LAMA5: variants seen among roughly 807,000 people sequenced by gnomAD.
LAMA5 encodes laminin subunit alpha 5.
Under a neutral mutation model 433.4 loss-of-function variants are expected in LAMA5, and 260 were observed. That is an observed-to-expected ratio of 0.60 (90% CI 0.54 to 0.66). The LOEUF is 0.66. LAMA5 is among the 30% of genes least tolerant of loss of function. The pLI, the probability that LAMA5 is intolerant of heterozygous loss-of-function variation, is 0.00. For missense variants in LAMA5, 5,378 were observed against 5,258.5 expected (o/e 1.02, Z -0.70); for synonymous variants, 2,620 against 2,226.6 (o/e 1.18, Z -4.97).
intron 9 of LAMA5, 103 bp downstream of exon 9, chr20:62,346,403 G>A (rs1175231359): frequency 7.3e-7 from 1 of 1,378,000 alleles, no homozygotes; most frequent in Non-Finnish European, 9.9e-7. Flanking sequence ...GGCTGGCCTG[G>A]AAGCTCAGGA....
At chr20:62,310,371 GCC>G in intron 76 of LAMA5, 46 bp downstream of exon 76, 1 of 1,563,078 alleles carries the variant, frequency 6.4e-7, no homozygotes, top group Non-Finnish European at 8.6e-7. Flanking sequence ...ACCTCCTGGA[GCC>G]CCCTGCCCTG....
At position 62,323,431 on chromosome 20, in the gene LAMA5, GCAT is replaced by G. The variant is rs1256705809; in HGVS notation, c.6064+22_6064+24del. On this transcript the variant is annotated intron_variant, in intron 45 of 79. Transcript: ENST00000252999. ...CTCCCCGCGCAACCCTCCCCAGGGT[GCAT>G]CCCTCCCAGCCCGACGCCTACGGGT... 4.6e-6 allele frequency: 7 copies of G among 1,510,986 alleles called. No individual in the cohort carries two copies. In the African/African-American group the frequency reaches 8.3e-5, roughly 18 times the overall value. 93.6% of individuals were successfully genotyped at this position (1,510,986 alleles called of 1,614,324 possible). A position where few individuals can be genotyped will look rare whatever the true frequency, so the allele number is the denominator to read the frequency against.
rs1488876019 is a variant in LAMA5, at chr20:62,323,477, G to A, written c.6043C>T (p.Leu2015=). 11 of 1,545,852 alleles carry A rather than the reference G, an allele frequency of 7.1e-6. No individual in the cohort carries two copies. The South Asian group carries it at 9.5e-5, about 13-fold the overall frequency. Residue 2015 remains leucine (L), a synonymous_variant, in exon 45 of 80, where the codon CTG becomes TTG. Transcript: ENST00000252999. Reference sequence around the variant, plus strand: ...CTACGGGTGCAGTTGCCGGGCAGCAGGGCGTTGCCGTAGAAGCCGGGGGCA... The same window carrying A: ...CTACGGGTGCAGTTGCCGGGCAGCAAGGCGTTGCCGTAGAAGCCGGGGGCA... ...ICAPGFYGNA[L]LPGNCTRCDC...
intron 57 of LAMA5, chr20:62,316,425 G>A (rs1986937925): frequency 1.9e-6 from 1 of 524,096 alleles, no homozygotes; most frequent in East Asian, 3.0e-5. Flanking sequence ...CCTGTGCCCT[G>A]TGGCTCAGCT....
intron 2 of LAMA5, among the ~76,000 whole-genome samples, chr20:62,353,846 G>C (rs1251082038): frequency 2.6e-5 from 4 of 152,040 alleles, no homozygotes; most frequent in Non-Finnish European, 4.4e-5. Flanking sequence ...CACAGCCAGG[G>C]GCCCACTGAG....
chr20:62,345,309 C>CTTTTTTTTTTTTTTTTTTTT (rs56342658), intron 11 of LAMA5: 1 of 139,008 alleles, frequency 7.2e-6, no homozygotes. Flanking sequence ...AACCAATTTT[C>CTTTTTTTTTTTTTTTTTTTT]TTTTTTTTTT....
At chr20:62,327,489 C>T (rs1979508717) in intron 37 of LAMA5, 40 bp downstream of exon 37, 1 of 1,610,956 alleles carries the variant, frequency 6.2e-7, no homozygotes, top group African/African-American at 1.3e-5. Context: ...CCACCTAAGA[C>T]CTCCCCGAGA....
chr20:62,348,495 T>A (rs1415322144), intron 6 of LAMA5, among the ~76,000 whole-genome samples: 2 of 151,996 alleles, frequency 1.3e-5, no homozygotes, highest in Middle Eastern at 3.2e-3. Context: ...TAGTCCCAGC[T>A]ACTCAGGAGG....
Position 62,310,816 on chromosome 20 carries a change from C to T in LAMA5, c.10295G>A (p.Trp3432Ter), listed in dbSNP as rs750477351. 1 of 1,557,990 alleles carries T rather than the reference C, an allele frequency of 6.4e-7. No individual in the cohort carries two copies. Among genetic ancestry groups the T allele is most frequent in the Non-Finnish European group, 8.7e-7 (1 of 1,151,224 alleles). The stretch of plus-strand genomic sequence containing the variant: ...CACCAGCAGGATCCGGTTCTTCTCC[C>T]AGCGCACGGAGACCTGGGGGCAGGA... ...PGRWHKVSVR[W>*]EKNRILLVTD... Residue 3432 changes from tryptophan (W) to a stop codon, truncating the protein, a stop_gained, in exon 75 of 80, where the codon TGG becomes TAG. Transcript: ENST00000252999. LOFTEE classifies it high-confidence loss of function.
chr20:62,323,100 TG>T (rs1228203166), intron 45 of LAMA5, among the ~76,000 whole-genome samples: 1 of 37,750 alleles, frequency 2.6e-5, no homozygotes, highest in African/African-American at 1.1e-4. Flanking sequence ...GGTCATGGGT[TG>T]GGGGGAGGGT....
chr20:62,349,989 C>T (rs1330570925), intron 6 of LAMA5, among the ~76,000 whole-genome samples: 1 of 151,534 alleles, frequency 6.6e-6, no homozygotes, highest in African/African-American at 2.4e-5. Context: ...GCAGGGAGAA[C>T]ATGGGCAGGC....
At chr20:62,313,278 G>T in intron 64 of LAMA5, 28 bp from the exon 65 acceptor site, 2 of 1,541,094 alleles carry the variant, frequency 1.3e-6, no homozygotes, top group Non-Finnish European at 1.7e-6. Flanking sequence ...TGGGGTCAGC[G>T]GAGGGTGGGG....
At position 62,335,181 on chromosome 20, in the gene LAMA5, C is replaced by T. The variant is rs773086789; in HGVS notation, c.2376+36G>A. 10 of 1,612,118 alleles carry T rather than the reference C, an allele frequency of 6.2e-6. No individual in the cohort carries two copies. The African/African-American group carries it at 1.1e-4, about 17-fold the overall frequency. On this transcript the variant is annotated intron_variant, in intron 19 of 79. Transcript: ENST00000252999. ...GCAGGGGAGGGTCCTGACCAGTGTG[C>T]CCCCAAATCCCCCACACCTTGGTCC...
At chr20:62,337,169 C>CGCGATACGCGCACCCACTTAT (rs71195446) in intron 16 of LAMA5, among the ~76,000 whole-genome samples, 5 of 151,914 alleles carry the variant, frequency 3.3e-5, no homozygotes, top group East Asian at 3.9e-4. Flanking sequence ...ACTTGAGACA[C>CGCGATACGCGCACCCACTTAT]GCGATACGCG....
Position 62,323,870 on chromosome 20 carries a change from C to A in LAMA5, c.5769-14G>T, listed in dbSNP as rs763622747. On this transcript the variant is annotated splice_polypyrimidine_tract_variant and intron_variant, in intron 43 of 79. Transcript: ENST00000252999. ...CCCTCGGCGAAGCTGCAAAGACCAG[C>A]AGCGTCAGTCACTAGGCCCCTGGCA... is the stretch of plus-strand genomic sequence containing the variant. 4 of 1,592,102 alleles carry A rather than the reference C, an allele frequency of 2.5e-6. No individual in the cohort carries two copies. Among genetic ancestry groups the A allele is most frequent in the African/African-American group, 2.7e-5 (2 of 74,346 alleles).
chr20:62,317,819 G>A lies in LAMA5; in HGVS notation c.7240-41C>T, dbSNP rs774931515. On this transcript the variant is annotated intron_variant, in intron 53 of 79. Coordinates refer to ENST00000252999, the MANE Select transcript of LAMA5 (RefSeq NM_005560.6). The stretch of plus-strand genomic sequence containing the variant: ...GGGAGTTGGGGACAATGAGGGGTAA[G>A]AAAAGAATAAAGGATGTGATGGGGT... 8.9e-6 allele frequency: 10 copies of A among 1,124,482 alleles called. No individual in the cohort carries two copies. The African/African-American group carries it at 9.1e-5, about 10-fold the overall frequency. 69.7% of individuals were successfully genotyped at this position (1,124,482 alleles called of 1,614,324 possible).
At position 62,318,524 on chromosome 20, in the gene LAMA5, C is replaced by A. The variant is rs530380498; in HGVS notation, c.7169G>T (p.Arg2390Leu). Residue 2390 changes from arginine to leucine, a missense_variant, in exon 53 of 80, where the codon CGG becomes CTG. By Grantham distance (102) the Arg-to-Leu change is moderately radical (BLOSUM62 -2). Transcript: ENST00000252999. ...GGCCTCCCGTGTGGCGTCCACTGCC[C>A]GGTTCAAAGCCTCTCGCAGGTCCAT... Reference protein sequence around the residue: ...GLMDLREALNRAVDATREAQE... With the variant: ...GLMDLREALNLAVDATREAQE... The A allele has an allele frequency of 1.9e-6, 3 of 1,609,606 alleles. No homozygotes were observed. The highest frequency in any genetic ancestry group is 1.1e-5 in the South Asian group (1 of 91,068).
intron 28 of LAMA5, 40 bp from the exon 29 acceptor site, chr20:62,331,169 C>T (rs368265589): frequency 1.3e-5 from 17 of 1,325,674 alleles, no homozygotes; most frequent in East Asian, 6.2e-5. Flanking sequence ...GCCCGTGGTG[C>T]GGGGAGGATA....
chr20:62,317,563 G>A lies in LAMA5; in HGVS notation c.7357-64C>T, dbSNP rs886340702. 9.2e-6 allele frequency: 14 copies of A among 1,522,218 alleles called. No homozygotes were observed. In the Middle Eastern group the frequency reaches 7.1e-4, roughly 77 times the overall value. The allele number at this position is 1,522,218 out of a possible 1,614,324, so 94.3% of individuals were successfully genotyped here. ...AGCCACCTGATCCACGACCCTGAGGGCGGGCTCTGCACGCAAGTGTGCACA... is the reference window on the plus strand; with the variant it reads ...AGCCACCTGATCCACGACCCTGAGGACGGGCTCTGCACGCAAGTGTGCACA... On this transcript the variant is annotated intron_variant, in intron 54 of 79. Coordinates refer to ENST00000252999, the MANE Select transcript of LAMA5 (RefSeq NM_005560.6).
Sources: gnomAD v4.1 joint callset for allele counts (sites outside exome capture counted in the v4.1 genomes callset) on GRCh38, gnomAD v4.1.1 for gene constraint, MANE v1.5 for transcripts, NCBI Gene and HGNC (gene_info 2026-07-23, HGNC 2026-07-21) for gene names.